The following HMGN1 variants were observed in gnomAD, a reference collection of about 807,000 sequenced individuals.
HMGN1 encodes the protein non-histone chromosomal protein HMG-14.
Under a neutral mutation model 18.4 loss-of-function variants are expected in HMGN1, and 9 were observed. The ratio of observed to expected loss-of-function variants is 0.49; its 90% CI spans 0.29 to 0.85. The LOEUF is 0.85. Ranked by LOEUF, HMGN1 falls within the 40% of genes least tolerant of loss-of-function variation. HMGN1 has a pLI of 0.07. For synonymous variants in HMGN1, 59 were observed against 45.0 expected (o/e 1.31, Z -1.24); for missense variants, 151 against 119.2 (o/e 1.27, Z -1.24).
Position 39,348,098 on chromosome 21 carries a change from A to G in HMGN1, c.126+194T>C, listed in dbSNP as rs554928612. ...TAAGTCTCCTAACATCTGCAGCAGCATTAGTGTGATATAGTTCTATAAACC... is the reference window on the plus strand; with the variant it reads ...TAAGTCTCCTAACATCTGCAGCAGCGTTAGTGTGATATAGTTCTATAAACC... On this transcript the variant is annotated intron_variant, in intron 4 of 5. Coordinates refer to ENST00000380749, the MANE Select transcript of HMGN1 (RefSeq NM_004965.7). 1.0e-5 allele frequency: 9 copies of G among 882,828 alleles called. No individual in the cohort carries two copies. The African/African-American group carries it at 1.5e-4, about 15-fold the overall frequency. The allele number at this position is 882,828 out of a possible 1,614,324, so 54.7% of individuals were successfully genotyped here.
intron 4 of HMGN1, chr21:39,348,026 G>C (rs570995455): frequency 9.6e-6 from 11 of 1,145,728 alleles, no homozygotes; most frequent in African/African-American, 1.6e-5. Context: ...GCAACGCAAA[G>C]AATAAATTTC....
Position 39,348,599 on chromosome 21 carries a change from A to G in HMGN1, c.16-22T>C, listed in dbSNP as rs1393349198. The G allele has an allele frequency of 1.9e-6, 3 of 1,579,606 alleles. No homozygotes were observed. The Admixed American group carries it at 5.6e-5, about 30-fold the overall frequency. On this transcript the variant is annotated intron_variant, in intron 1 of 5. Transcript: ENST00000380749. The stretch of plus-strand genomic sequence containing the variant: ...TGACCTGCGGAGACGGAGACGCACG[A>G]ATAGAGGCGGGCCGCAGTCCCAGGA...
intron 4 of HMGN1, 162 bp downstream of exon 4, chr21:39,348,130 A>G: frequency 2.1e-6 from 2 of 956,570 alleles, no homozygotes; most frequent in South Asian, 3.3e-5. Flanking sequence ...AACCAGGATG[A>G]ATATATCCAT....
Position 39,348,979 on chromosome 21 carries a change from G to C in HMGN1, c.-62C>G. On this transcript the variant is annotated 5_prime_UTR_variant, in exon 1 of 6. Transcript: ENST00000380749. ...GGGAAGGCGCGTGCCGGGTGCCTGC[G>C]GGCCGCGGCGCGCCGACAGCCTTCG... The C allele has an allele frequency of 8.3e-7, 1 of 1,204,940 alleles. No homozygotes were observed. Among genetic ancestry groups the C allele is most frequent in the Admixed American group, 4.4e-5 (1 of 22,682 alleles). 74.6% of individuals were successfully genotyped at this position (1,204,940 alleles called of 1,614,324 possible). A position where few individuals can be genotyped will look rare whatever the true frequency, so the allele number is the denominator to read the frequency against.
At chr21:39,343,627 T>C (rs2036940357) in intron 5 of HMGN1, among the ~76,000 whole-genome samples, 1 of 152,242 alleles carries the variant, frequency 6.6e-6, no homozygotes, top group Non-Finnish European at 1.5e-5. Flanking sequence ...TTTGTTCAGG[T>C]ACAAATTACA....
chr21:39,346,459 C>G (rs1483297543), intron 4 of HMGN1: 1 of 153,850 alleles, frequency 6.5e-6, no homozygotes, highest in East Asian at 1.9e-4. Context: ...ATTTCATAAT[C>G]ATTCCAATAC....
chr21:39,348,384 C>T (rs748539920), intron 3 of HMGN1, 38 bp downstream of exon 3: 2 of 1,614,040 alleles, frequency 1.2e-6, no homozygotes, highest in Admixed American at 1.7e-5. Flanking sequence ...CGGGACGACC[C>T]GCGGAAAACG....
chr21:39,344,268 A>G lies in HMGN1; in HGVS notation c.255+878T>C, dbSNP rs1054611191. Among the ~76,000 whole-genome samples, 430 of 151,746 alleles carry G rather than the reference A, an allele frequency of 2.8e-3. 1 individual carries two copies. Among genetic ancestry groups the G allele is most frequent in the African/African-American group, 0.01 (419 of 41,370 alleles). On this transcript the variant is annotated intron_variant, in intron 5 of 5. Transcript: ENST00000380749. ...CGAAATTCCGTCTCAAAAAAAAAAA[A>G]AAAAAAAGGAATTAAGAAGTACAAG... is the stretch of plus-strand genomic sequence containing the variant.
chr21:39,348,125 G>C lies in HMGN1; in HGVS notation c.126+167C>G, dbSNP rs1434156727. The C allele has an allele frequency of 4.3e-6, 4 of 934,448 alleles. No individual in the cohort carries two copies. The South Asian group carries it at 5.1e-5, about 12-fold the overall frequency. 57.9% of individuals were successfully genotyped at this position (934,448 alleles called of 1,614,324 possible). On this transcript the variant is annotated intron_variant, in intron 4 of 5. Transcript: ENST00000380749. ...TAGTGTGATATAGTTCTATAAACCA[G>C]GATGAATATATCCATTACATTTTTG...
At chr21:39,345,919 A>G (rs1374029506) in intron 4 of HMGN1, 8 of 1,302,092 alleles carry the variant, frequency 6.1e-6, no homozygotes, top group Middle Eastern at 2.1e-4. Context: ...TAAAAGGATC[A>G]GTTTTGAATT....
At chr21:39,348,666 T>A (rs1294741480) in intron 1 of HMGN1, 89 bp from the exon 2 acceptor site, 3 of 1,432,614 alleles carry the variant, frequency 2.1e-6, no homozygotes, top group African/African-American at 1.5e-5. Context: ...CCCGGCCGCG[T>A]GACGTCACGG....
Position 39,342,921 on chromosome 21 carries a change from A to G in HMGN1, c.*191T>C. 7.8e-7 allele frequency: 1 copy of G among 1,274,780 alleles called. No individual in the cohort carries two copies. The highest frequency in any genetic ancestry group is 1.1e-6 in the Non-Finnish European group (1 of 916,862). 79.0% of individuals were successfully genotyped at this position (1,274,780 alleles called of 1,614,324 possible). A position where few individuals can be genotyped will look rare whatever the true frequency, so the allele number is the denominator to read the frequency against. On this transcript the variant is annotated 3_prime_UTR_variant, in exon 6 of 6. Transcript: ENST00000380749. ...TGGTTGTACCAAAAAATAAACAACC[A>G]GCAAATGATTTCACCTCTTAAAAAA...
intron 5 of HMGN1, among the ~76,000 whole-genome samples, 169 bp from the exon 6 acceptor site, chr21:39,343,328 T>C (rs2146851309): frequency 6.6e-6 from 1 of 152,314 alleles, no homozygotes; most frequent in African/African-American, 2.4e-5. Context: ...AAATCAATAC[T>C]TGCAGCCCTT....
chr21:39,349,068 G>T lies in HMGN1; in HGVS notation c.-151C>A, dbSNP rs1421690521. The T allele has an allele frequency of 1.4e-5, 12 of 882,326 alleles. No homozygotes were observed. In the East Asian group the frequency reaches 4.1e-4, roughly 30 times the overall value. 54.7% of individuals were successfully genotyped at this position (882,326 alleles called of 1,614,324 possible). A position where few individuals can be genotyped will look rare whatever the true frequency, so the allele number is the denominator to read the frequency against. ...GCCCGAGCTGCTGAGACCCACAGCG[G>T]GGGCGGTGGGAGAACCGGATGGAAC... On this transcript the variant is annotated 5_prime_UTR_variant, in exon 1 of 6. Transcript: ENST00000380749.
Position 39,348,741 on chromosome 21 carries a change from C to T in HMGN1, c.15+162G>A, listed in dbSNP as rs1348269866. 71 of 1,092,676 alleles carry T rather than the reference C, an allele frequency of 6.5e-5. No homozygotes were observed. In the African/African-American group the frequency reaches 1.1e-3, roughly 17 times the overall value. The allele number at this position is 1,092,676 out of a possible 1,614,324, so 67.7% of individuals were successfully genotyped here. On this transcript the variant is annotated intron_variant, in intron 1 of 5. Coordinates refer to ENST00000380749, the MANE Select transcript of HMGN1 (RefSeq NM_004965.7). Reference sequence around the variant, plus strand: ...CGGCCGCCAAACGTTCCAGAACGCCCGCCCCCGCGGCCGCCGAGCGCTCGC... The same window carrying T: ...CGGCCGCCAAACGTTCCAGAACGCCTGCCCCCGCGGCCGCCGAGCGCTCGC...
Position 39,348,747 on chromosome 21 carries a change from C to T in HMGN1, c.15+156G>A, listed in dbSNP as rs2037161137. 2.4e-5 allele frequency: 26 copies of T among 1,084,548 alleles called. 1 individual carries two copies. In the South Asian group the frequency reaches 5.3e-4, roughly 22 times the overall value. 67.2% of individuals were successfully genotyped at this position (1,084,548 alleles called of 1,614,324 possible). The stretch of plus-strand genomic sequence containing the variant: ...CCAAACGTTCCAGAACGCCCGCCCC[C>T]GCGGCCGCCGAGCGCTCGCCTGCCC... On this transcript the variant is annotated intron_variant, in intron 1 of 5. Transcript: ENST00000380749.
intron 4 of HMGN1, chr21:39,345,630 C>A: frequency 2.6e-6 from 1 of 390,972 alleles, no homozygotes; most frequent in African/African-American, 2.1e-5. Context: ...AGACATATGA[C>A]AAATCCTAAA....
rs118043168 is a variant in HMGN1, at chr21:39,343,975, C to T, written c.256-816G>A. 1.5e-3 allele frequency among the ~76,000 whole-genome samples: 232 copies of T among 152,236 alleles called. 8 individuals carry two copies. The East Asian group carries it at 0.043, about 28-fold the overall frequency. On this transcript the variant is annotated intron_variant, in intron 5 of 5. Transcript: ENST00000380749. ...TATGGTTAGAATTAAGTAGTACAGG[C>T]CAGGAGCGGTGGCTCACACCTGTAA...
rs372138745 is a variant in HMGN1, at chr21:39,342,602, A to G, written c.*510T>C. The G allele has an allele frequency of 1.6e-5, 5 of 311,626 alleles. No individual in the cohort carries two copies. The Admixed American group carries it at 2.4e-4, about 15-fold the overall frequency. The allele number at this position is 311,626 out of a possible 1,614,324, so 19.3% of individuals were successfully genotyped here. A position where few individuals can be genotyped will look rare whatever the true frequency, so the allele number is the denominator to read the frequency against. On this transcript the variant is annotated 3_prime_UTR_variant, in exon 6 of 6. Transcript: ENST00000380749. Reference sequence around the variant, plus strand: ...CTGTAATCTTTCACAGCACAGTAACAAAGTTATTAGGAAAACAGGACTACC... The same window carrying G: ...CTGTAATCTTTCACAGCACAGTAACGAAGTTATTAGGAAAACAGGACTACC...
Sources: allele counts gnomAD v4.1 joint callset (sites outside exome capture counted in the v4.1 genomes callset), GRCh38; gene constraint gnomAD v4.1.1; transcripts MANE v1.5; gene names NCBI Gene and HGNC (gene_info 2026-07-23, HGNC 2026-07-21).